CWC25: variants seen among roughly 807,000 people sequenced by gnomAD.
CWC25 encodes pre-mRNA-splicing factor CWC25 homolog.
A neutral mutation model predicts 54.6 loss-of-function variants in CWC25; 31 were observed. The observed-to-expected ratio is 0.57, with a 90% confidence interval of 0.43 to 0.77. CWC25 has a LOEUF of 0.77. Among genes scored for constraint, CWC25 ranks in the 30% least tolerant of loss-of-function variants. The probability of loss-of-function intolerance (pLI) is 0.00; values close to 1 mark genes in which losing one functional copy is unlikely to be tolerated. For synonymous variants in CWC25, 151 were observed against 187.0 expected, an observed-to-expected ratio of 0.81 and a Z score of 1.57; for missense variants, 453 against 529.3, an observed-to-expected ratio of 0.86 and a Z score of 1.41.
intron 6 of CWC25, among the ~76,000 whole-genome samples, chr17:38,809,436 A>AC (rs1198476666): frequency 3.3e-5 from 5 of 151,882 alleles, no homozygotes; most frequent in South Asian, 4.1e-4. Flanking sequence ...CAAAAAAAAA[A>AC]AAAAACAAAA....
intron 2 of CWC25, chr17:38,815,820 T>C (rs1911674357): frequency 9.0e-6 from 4 of 445,326 alleles, no homozygotes; most frequent in Admixed American, 3.7e-5. Flanking sequence ...CGCAGTTGCA[T>C]TGATTGTGCA....
chr17:38,821,062 C>T lies in CWC25; in HGVS notation c.30G>A (p.Lys10=). MGGGDLNLK[K]SWHPQTLRNV... ...TCCTGAGGGTCTGCGGGTGCCAGCT[C>T]TTCTTCAGATTCTGTGGTAAATAAA... The change falls in exon 2 of 10, where the codon AAG becomes AAA. Residue 10 remains lysine (K), a synonymous_variant. Coordinates refer to ENST00000614790, the MANE Select transcript of CWC25 (RefSeq NM_017748.5). The T allele has an allele frequency of 6.2e-7, 1 of 1,611,528 alleles. No homozygotes were observed. The highest frequency in any genetic ancestry group is 1.1e-5 in the South Asian group (1 of 90,746).
chr17:38,810,230 T>G, intron 5 of CWC25: 2 of 528,104 alleles, frequency 3.8e-6, no homozygotes, highest in Non-Finnish European at 6.6e-6. Flanking sequence ...AAAGTCAGCA[T>G]TATTAAGGGT....
Position 38,809,754 on chromosome 17 carries a change from T to C in CWC25, c.638A>G (p.Lys213Arg). Residue 213 changes from lysine (K) to arginine (R), a missense_variant, in exon 6 of 10, where the codon AAG becomes AGG. Physicochemically the swap from Lys to Arg is conservative, Grantham distance 26. This residue lies in a region of CWC25 where 444 missense variants were observed against 499.2 expected (regional missense o/e 0.89). Transcript: ENST00000614790. ...DEHSAGRSQK[K>R]MANSSPVLSK... The stretch of plus-strand genomic sequence containing the variant: ...CAAAACAGGGGAGGAATTTGCCATC[T>C]TCTTCTGTGATCTAAGAGATCAAAA... The C allele has an allele frequency of 6.2e-7, 1 of 1,613,926 alleles. No homozygotes were observed. Among genetic ancestry groups the C allele is most frequent in the South Asian group, 1.1e-5 (1 of 91,080 alleles).
chr17:38,801,892 G>T lies in CWC25; in HGVS notation c.*200C>A. 6.5e-6 allele frequency: 3 copies of T among 460,128 alleles called. No homozygotes were observed. The highest frequency in any genetic ancestry group is 1.2e-5 in the Non-Finnish European group (3 of 259,160). 28.5% of individuals were successfully genotyped at this position (460,128 alleles called of 1,614,324 possible). Reference sequence around the variant, plus strand: ...ACCCGTTAAAGAGTCAAAACCCAAAGTTACTGAGTGTCCCACAAAGCAAGT... The same window carrying T: ...ACCCGTTAAAGAGTCAAAACCCAAATTTACTGAGTGTCCCACAAAGCAAGT... On this transcript the variant is annotated 3_prime_UTR_variant, in exon 10 of 10. Transcript: ENST00000614790.
At chr17:38,811,410 G>C (rs572625320) in intron 4 of CWC25, among the ~76,000 whole-genome samples, 1 of 152,090 alleles carries the variant, frequency 6.6e-6, no homozygotes, top group East Asian at 1.9e-4. Context: ...GCAGGCGCCT[G>C]TAGTCCCAGC....
chr17:38,823,123 C>T (rs1911993830), intron 1 of CWC25, among the ~76,000 whole-genome samples: 1 of 151,378 alleles, frequency 6.6e-6, no homozygotes, highest in East Asian at 1.9e-4. Flanking sequence ...CAGGTGTGAG[C>T]CACCACACCC....
intron 2 of CWC25, among the ~76,000 whole-genome samples, chr17:38,819,193 T>C (rs1475258833): frequency 6.6e-6 from 1 of 150,594 alleles, no homozygotes; most frequent in African/African-American, 2.4e-5. Flanking sequence ...CAGCTAACTT[T>C]TCCTTTCTTT....
Position 38,806,903 on chromosome 17 carries a change from T to A in CWC25, c.764A>T (p.Lys255Met), listed in dbSNP as rs751678736. Residue 255 changes from lysine (K) to methionine (M), a missense_variant, in exon 7 of 10, where the codon AAG becomes ATG. Lys to Met is a moderately conservative substitution (Grantham distance 95). This residue lies in a region of CWC25 where 444 missense variants were observed against 499.2 expected (regional missense o/e 0.89). Coordinates refer to ENST00000614790, the MANE Select transcript of CWC25 (RefSeq NM_017748.5). ...GGAGCTTCTGGATCTGGAATGGTTC[T>A]TCATCCCATGCCCTCTCTTTTGCTC... is the stretch of plus-strand genomic sequence containing the variant. Reference protein sequence around the residue: ...TAEQKRGHGMKNHSRSRSSSH... With the variant: ...TAEQKRGHGMMNHSRSRSSSH... 59 of 1,613,842 alleles carry A rather than the reference T, an allele frequency of 3.7e-5. No individual in the cohort carries two copies. The highest frequency in any genetic ancestry group is 5.0e-5 in the Non-Finnish European group (59 of 1,179,878).
chr17:38,810,665 A>G, intron 4 of CWC25, 70 bp from the exon 5 acceptor site: 1 of 791,972 alleles, frequency 1.3e-6, no homozygotes, highest in South Asian at 1.5e-5. Flanking sequence ...CATGCCTGTA[A>G]TCCCAGCACT....
At chr17:38,807,481 G>A (rs1911303261) in intron 6 of CWC25, among the ~76,000 whole-genome samples, 1 of 141,170 alleles carries the variant, frequency 7.1e-6, no homozygotes. Context: ...GGTCAGCCAG[G>A]TGCAGTCGCT....
intron 8 of CWC25, 65 bp from the exon 9 acceptor site, chr17:38,802,926 A>G (rs1385242026): frequency 6.3e-7 from 1 of 1,593,242 alleles, no homozygotes; most frequent in African/African-American, 1.3e-5. Flanking sequence ...CAGCACAAGA[A>G]GCACAGAAGC....
intron 2 of CWC25, among the ~76,000 whole-genome samples, chr17:38,820,330 T>C (rs533711262): frequency 5.6e-4 from 86 of 152,328 alleles, no homozygotes; most frequent in African/African-American, 2.0e-3. Context: ...CCCATCTCCT[T>C]TTATGAGATG....
intron 8 of CWC25, among the ~76,000 whole-genome samples, chr17:38,803,544 C>A (rs918595910): frequency 1.3e-5 from 2 of 151,944 alleles, no homozygotes; most frequent in Middle Eastern, 3.4e-3. Flanking sequence ...GCAGGAGAAT[C>A]GCTTGAACCG....
intron 6 of CWC25, 142 bp from the exon 7 acceptor site, chr17:38,807,118 T>C (rs889648147): frequency 1.7e-6 from 1 of 587,454 alleles, no homozygotes; most frequent in Non-Finnish European, 2.9e-6. Flanking sequence ...AGGTCAGGAG[T>C]TCGAGACCAG....
intron 8 of CWC25, 73 bp from the exon 9 acceptor site, chr17:38,802,934 A>G: frequency 6.3e-7 from 1 of 1,575,154 alleles, no homozygotes; most frequent in Non-Finnish European, 8.7e-7. Flanking sequence ...GAAGCACAGA[A>G]GCCAGGTGGG....
chr17:38,812,730 G>A, intron 4 of CWC25, 65 bp downstream of exon 4: 1 of 935,156 alleles, frequency 1.1e-6, no homozygotes, highest in Non-Finnish European at 1.7e-6. Flanking sequence ...GAGAGTAAAT[G>A]GAGAGACGTT....
chr17:38,820,027 T>G (rs758262965), intron 2 of CWC25, among the ~76,000 whole-genome samples: 8 of 152,282 alleles, frequency 5.3e-5, no homozygotes, highest in Admixed American at 2.0e-4. Flanking sequence ...GGTCTAGAAC[T>G]CCTGGCCTCA....
At chr17:38,818,783 C>T (rs892764580) in intron 2 of CWC25, among the ~76,000 whole-genome samples, 1 of 151,928 alleles carries the variant, frequency 6.6e-6, no homozygotes, top group Non-Finnish European at 1.5e-5. Context: ...CACCTTCCCC[C>T]ATTCACGACA....
Sources: gnomAD v4.1 joint callset for allele counts (sites outside exome capture counted in the v4.1 genomes callset) on GRCh38, gnomAD v4.1.1 for gene constraint, gnomAD v4.1.1 regional missense constraint, MANE v1.5 for transcripts, NCBI Gene and HGNC (gene_info 2026-07-23, HGNC 2026-07-21) for gene names.